ECM2: variants seen among roughly 807,000 people sequenced by gnomAD.
ECM2 encodes the protein extracellular matrix protein 2, female organ and adipocyte specific.
Under a neutral mutation model 67.5 loss-of-function variants are expected in ECM2, and 57 were observed. The observed-to-expected ratio is 0.84, with a 90% confidence interval of 0.68 to 1.05. The LOEUF is 1.05. ECM2 is among the 50% of genes least tolerant of loss of function. The pLI is 0.00. For missense variants in ECM2, 741 were observed against 822.8 expected (o/e 0.90, Z 1.22); for synonymous variants, 258 against 294.5 (o/e 0.88, Z 1.27).
Position 92,522,857 on chromosome 9 carries a change from C to T in ECM2, c.10G>A (p.Ala4Thr). 6.2e-7 allele frequency: 1 copy of T among 1,601,794 alleles called. No individual in the cohort carries two copies. Among genetic ancestry groups the T allele is most frequent in the Non-Finnish European group, 8.5e-7 (1 of 1,176,352 alleles). Residue 4 changes from alanine to threonine, a missense_variant, in exon 2 of 10, where the codon GCA becomes ACA. Physicochemically the swap from Ala to Thr is moderately conservative, Grantham distance 58 (BLOSUM62 0). Coordinates refer to ENST00000344604, the MANE Select transcript of ECM2 (RefSeq NM_001393.4). Reference sequence around the variant, plus strand: ...AGCAGAAAAAAACAAAACAAAACTGCAATCTTCATGTTTGATTTTTTTCCA... The same window carrying T: ...AGCAGAAAAAAACAAAACAAAACTGTAATCTTCATGTTTGATTTTTTTCCA... MKIAVLFCFFLLII... is the reference protein window; with the variant it reads MKITVLFCFFLLII...
At chr9:92,533,993 G>T (rs150042795) in intron 1 of ECM2, among the ~76,000 whole-genome samples, 1 of 152,000 alleles carries the variant, frequency 6.6e-6, no homozygotes, top group Admixed American at 6.5e-5. Flanking sequence ...ATGTACCTTG[G>T]TATAGGTTGT....
intron 1 of ECM2, among the ~76,000 whole-genome samples, chr9:92,535,618 G>C (rs930776387): frequency 1.3e-5 from 2 of 151,860 alleles, no homozygotes; most frequent in Admixed American, 1.3e-4. Flanking sequence ...GATTTAAAAT[G>C]AAAAATATTT....
chr9:92,519,643 A>G (rs1488537226), intron 2 of ECM2, among the ~76,000 whole-genome samples: 1 of 152,188 alleles, frequency 6.6e-6, no homozygotes, highest in Non-Finnish European at 1.5e-5. Flanking sequence ...AAATACAAAC[A>G]TTAGCTCAAA....
chr9:92,499,354 G>T (rs1196477498), intron 9 of ECM2, among the ~76,000 whole-genome samples: 1 of 152,158 alleles, frequency 6.6e-6, no homozygotes. Flanking sequence ...AGCCCTAGTT[G>T]ATGAGCAAAA....
Position 92,505,544 on chromosome 9 carries a change from C to T in ECM2, c.1453G>A (p.Gly485Ser), listed in dbSNP as rs771702093. Residue 485 changes from glycine (G) to serine (S), a missense_variant, in exon 7 of 10, where the codon GGT (glycine) becomes AGT (serine). Physicochemically the swap from Gly to Ser is moderately conservative, Grantham distance 56 (BLOSUM62 0). Transcript: ENST00000344604. ...KFRIIPQGLP[G>S]SIEELYLENN... ...AAATATATTGTTACCTCAATAGAAC[C>T]AGGAAGACCCTGCGGTATAATTCTA... is the stretch of plus-strand genomic sequence containing the variant. 4 of 1,598,166 alleles carry T rather than the reference C, an allele frequency of 2.5e-6. No homozygotes were observed. The highest frequency in any genetic ancestry group is 1.2e-5 in the South Asian group (1 of 86,712).
intron 4 of ECM2, 30 bp downstream of exon 4, chr9:92,514,601 C>T (rs774473020): frequency 6.5e-7 from 1 of 1,534,432 alleles, no homozygotes; most frequent in Non-Finnish European, 8.8e-7. Flanking sequence ...TTTTAAAGCA[C>T]AAAATAAAGC....
chr9:92,530,523 C>A (rs1435788667), intron 1 of ECM2, among the ~76,000 whole-genome samples: 1 of 152,096 alleles, frequency 6.6e-6, no homozygotes, highest in East Asian at 1.9e-4. Flanking sequence ...TACTATTAAC[C>A]TATTTGTTCA....
chr9:92,508,365 C>T (rs1235460002), intron 6 of ECM2, among the ~76,000 whole-genome samples: 1 of 152,212 alleles, frequency 6.6e-6, no homozygotes, highest in African/African-American at 2.4e-5. Context: ...AGCCCGTTCA[C>T]CCTGGCTTCC....
At chr9:92,532,964 A>G (rs1848889362) in intron 1 of ECM2, among the ~76,000 whole-genome samples, 1 of 152,054 alleles carries the variant, frequency 6.6e-6, no homozygotes, top group Non-Finnish European at 1.5e-5. Context: ...TGAATAGAAT[A>G]TTGAGTGATT....
intron 5 of ECM2, among the ~76,000 whole-genome samples, chr9:92,511,011 T>G (rs1847300075): frequency 1.3e-5 from 2 of 152,208 alleles, no homozygotes; most frequent in South Asian, 4.1e-4. Flanking sequence ...TTTCACTTAG[T>G]GGAATATAGT....
At chr9:92,551,981 G>GA in the ECM2 span, among the ~76,000 whole-genome samples, 5 of 54,786 alleles carry the variant, frequency 9.1e-5, no homozygotes, top group Non-Finnish European at 1.7e-4. Context: ...ATATATGTGT[G>GA]TGTATATATG....
chr9:92,501,825 T>C (rs1032133251), intron 8 of ECM2, among the ~76,000 whole-genome samples: 1 of 152,236 alleles, frequency 6.6e-6, no homozygotes, highest in Non-Finnish European at 1.5e-5. Flanking sequence ...ATCCCAGTTG[T>C]CTGCTGGATT....
At chr9:92,507,031 C>T (rs978785313) in intron 6 of ECM2, among the ~76,000 whole-genome samples, 1 of 152,136 alleles carries the variant, frequency 6.6e-6, no homozygotes, top group African/African-American at 2.4e-5. Context: ...CCTCAGCCTC[C>T]CGAGTATCTG....
intron 3 of ECM2, among the ~76,000 whole-genome samples, chr9:92,515,533 C>T (rs1320879275): frequency 1.3e-5 from 2 of 152,072 alleles, no homozygotes; most frequent in African/African-American, 4.8e-5. Context: ...GGTAAGCAAT[C>T]CTGTTGTGAG....
chr9:92,514,661 C>T lies in ECM2; in HGVS notation c.1024G>A (p.Ala342Thr). Residue 342 changes from alanine to threonine, a missense_variant, in exon 4 of 10, where the codon GCA becomes ACA. By Grantham distance (58) the Ala-to-Thr change is moderately conservative. Transcript: ENST00000344604. ...AMLTQIPPLT[A>T]PQITSLELTG... ...AGCTCCAGACTTGTTATCTGTGGTG[C>T]TGTCAGCGGTGGTATCTGGGTAAGC... The T allele has an allele frequency of 6.3e-7, 1 of 1,596,956 alleles. No homozygotes were observed. The highest frequency in any genetic ancestry group is 8.5e-7 in the Non-Finnish European group (1 of 1,169,776).
rs760636627 is a variant in ECM2, at chr9:92,511,970, A to G, written c.1170+41T>C. On this transcript the variant is annotated intron_variant, in intron 5 of 9. Transcript: ENST00000344604. ...TCTCCAACCAATGCAAGTCATAGTG[A>G]AGCCATTCATCCAAATAGACAAATC... 19 of 1,454,054 alleles carry G rather than the reference A, an allele frequency of 1.3e-5. No individual in the cohort carries two copies. The African/African-American group carries it at 2.4e-4, about 19-fold the overall frequency. 90.1% of individuals were successfully genotyped at this position (1,454,054 alleles called of 1,614,324 possible).
chr9:92,532,012 A>ATTTTTTTTT (rs1491374173), intron 1 of ECM2, among the ~76,000 whole-genome samples: 1 of 78,550 alleles, frequency 1.3e-5, no homozygotes, highest in Non-Finnish European at 2.4e-5. Context: ...TTTTTTATTT[A>ATTTTTTTTT]ATGTTTTTTT....
chr9:92,546,549 C>G, the ECM2 span, among the ~76,000 whole-genome samples: 2 of 152,076 alleles, frequency 1.3e-5, no homozygotes, highest in Non-Finnish European at 2.9e-5. Flanking sequence ...ACGCCAAGGT[C>G]TGCAGCTTCA....
At chr9:92,537,377 C>A (rs1849207863), upstream of ECM2, among the ~76,000 whole-genome samples, 1 of 152,024 alleles carries the variant, frequency 6.6e-6, no homozygotes. Context: ...AAATGTAAAA[C>A]TAGCTGAGTG....
Sources: allele counts gnomAD v4.1 joint callset (sites outside exome capture counted in the v4.1 genomes callset), GRCh38; gene constraint gnomAD v4.1.1; transcripts MANE v1.5; gene names NCBI Gene and HGNC (gene_info 2026-07-23, HGNC 2026-07-21).